DPT: variants seen among roughly 807,000 people sequenced by gnomAD.
DPT encodes tyrosine-rich acidic matrix protein.
DPT carries 21 observed loss-of-function variants against 31.2 expected under a neutral mutation model. That is an observed-to-expected ratio of 0.67 (90% CI 0.48 to 0.97). The LOEUF is 0.97. DPT is among the 50% of genes least tolerant of loss of function. DPT has a pLI of 0.00. For synonymous variants in DPT, 91 were observed against 86.9 expected, an observed-to-expected ratio of 1.05 and a Z score of -0.26; for missense variants, 262 against 258.8, an observed-to-expected ratio of 1.01 and a Z score of -0.08.
chr1:168,715,519 C>T (rs914197516), intron 1 of DPT, among the ~76,000 whole-genome samples: 1 of 152,092 alleles, frequency 6.6e-6, no homozygotes, highest in South Asian at 2.1e-4. Flanking sequence ...TAGAATTTTA[C>T]AAATTCAAGA....
rs980646634 is a variant in DPT, at chr1:168,701,183, AACAG to A, written c.432-63_432-60del. 4.3e-5 allele frequency: 55 copies of A among 1,269,342 alleles called. No homozygotes were observed. The South Asian group carries it at 4.8e-4, about 11-fold the overall frequency. The allele number at this position is 1,269,342 out of a possible 1,614,324, so 78.6% of individuals were successfully genotyped here. A position where few individuals can be genotyped will look rare whatever the true frequency, so the allele number is the denominator to read the frequency against. The stretch of plus-strand genomic sequence containing the variant: ...AAACACATTATTATTGCTGGGAGCA[AACAG>A]AAGACACACTATGAAGAAGAGATGG... On this transcript the variant is annotated intron_variant, in intron 2 of 3. Coordinates refer to ENST00000367817, the MANE Select transcript of DPT (RefSeq NM_001937.5).
intron 1 of DPT, among the ~76,000 whole-genome samples, chr1:168,717,905 A>C (rs1650020716): frequency 6.6e-6 from 1 of 152,230 alleles, no homozygotes; most frequent in South Asian, 2.1e-4. Flanking sequence ...ATATGGTGGA[A>C]AGGTAGCTTT....
intron 1 of DPT, among the ~76,000 whole-genome samples, chr1:168,717,756 A>C (rs1481644225): frequency 6.6e-6 from 1 of 152,176 alleles, no homozygotes; most frequent in Non-Finnish European, 1.5e-5. Context: ...GAAGGGGTCC[A>C]GTTTCAGTTT....
intron 2 of DPT, among the ~76,000 whole-genome samples, chr1:168,702,344 T>A (rs1649618096): frequency 1.3e-5 from 2 of 152,366 alleles, no homozygotes; most frequent in South Asian, 4.1e-4. Context: ...AGGATCTCAG[T>A]GCACAGATGG....
intron 3 of DPT, 120 bp from the exon 4 acceptor site, chr1:168,696,735 A>ACCC: frequency 1.1e-6 from 1 of 880,056 alleles, no homozygotes; most frequent in South Asian, 1.6e-5. Context: ...GGGACACTTA[A>ACCC]TCTCACTTTG....
At chr1:168,716,584 A>C (rs1403166510) in intron 1 of DPT, among the ~76,000 whole-genome samples, 1 of 152,148 alleles carries the variant, frequency 6.6e-6, no homozygotes, top group Non-Finnish European at 1.5e-5. Context: ...CAAGTACAGA[A>C]TGTACAGGTT....
At chr1:168,702,772 C>T (rs9786974) in intron 2 of DPT, among the ~76,000 whole-genome samples, 6,443 of 152,112 alleles carry the variant, frequency 0.042, 173 homozygotes, top group Admixed American at 0.054. Flanking sequence ...CCACCACACC[C>T]AGCTAATTTT....
At position 168,696,385 on chromosome 1, in the gene DPT, A is replaced by G. The variant is rs1411325649; in HGVS notation, c.*164T>C. On this transcript the variant is annotated 3_prime_UTR_variant, in exon 4 of 4. Coordinates refer to ENST00000367817, the MANE Select transcript of DPT (RefSeq NM_001937.5). ...TTGTGGATTTTATTAGAAGTGTGAT[A>G]CTAGTCAGAAAGGCCCAGGAAGTTG... 13 of 606,190 alleles carry G rather than the reference A, an allele frequency of 2.1e-5. No individual in the cohort carries two copies. The highest frequency in any genetic ancestry group is 3.8e-5 in the Non-Finnish European group (13 of 340,982). The allele number at this position is 606,190 out of a possible 1,614,324, so 37.6% of individuals were successfully genotyped here.
chr1:168,712,980 C>T (rs1489187194), intron 2 of DPT, among the ~76,000 whole-genome samples: 3 of 152,040 alleles, frequency 2.0e-5, no homozygotes, highest in Non-Finnish European at 4.4e-5. Flanking sequence ...GTGCTTGAGC[C>T]TGCAGAGTTA....
chr1:168,724,687 C>G (rs1459021535), intron 1 of DPT, among the ~76,000 whole-genome samples: 3 of 152,074 alleles, frequency 2.0e-5, no homozygotes, highest in African/African-American at 4.8e-5. Flanking sequence ...GTACTCAATA[C>G]TCAGAACCAT....
chr1:168,718,221 G>C (rs892542632), intron 1 of DPT, among the ~76,000 whole-genome samples: 2 of 152,220 alleles, frequency 1.3e-5, no homozygotes, highest in Admixed American at 1.3e-4. Flanking sequence ...ATGGGGGTAA[G>C]TTCCCCTAAG....
chr1:168,700,839 A>G (rs1466553483), intron 3 of DPT, among the ~76,000 whole-genome samples, 178 bp downstream of exon 3: 1 of 152,064 alleles, frequency 6.6e-6, no homozygotes, highest in Admixed American at 6.6e-5. Flanking sequence ...CCTCAGGTCA[A>G]AGTTCCTGCA....
intron 1 of DPT, among the ~76,000 whole-genome samples, chr1:168,718,344 G>T (rs1250769134): frequency 6.6e-6 from 1 of 152,254 alleles, no homozygotes; most frequent in Non-Finnish European, 1.5e-5. Flanking sequence ...TGGCCCCAGT[G>T]CCTGTACGGG....
chr1:168,699,174 A>C (rs1230724285), intron 3 of DPT, among the ~76,000 whole-genome samples: 1 of 152,164 alleles, frequency 6.6e-6, no homozygotes, highest in Non-Finnish European at 1.5e-5. Context: ...TGCTTTCTTA[A>C]ACAGGGAACA....
At chr1:168,699,114 TTA>T (rs1317943495) in intron 3 of DPT, among the ~76,000 whole-genome samples, 1 of 152,184 alleles carries the variant, frequency 6.6e-6, no homozygotes, top group African/African-American at 2.4e-5. Context: ...TCAGATATAT[TTA>T]TTTCATACTA....
intron 1 of DPT, among the ~76,000 whole-genome samples, chr1:168,725,184 CT>C (rs1650210084): frequency 2.0e-5 from 3 of 152,190 alleles, no homozygotes; most frequent in Middle Eastern, 3.4e-3. Flanking sequence ...TCACACCTTC[CT>C]TTTTCTTCCT....
chr1:168,726,717 A>G (rs1650251106), intron 1 of DPT, among the ~76,000 whole-genome samples: 1 of 152,204 alleles, frequency 6.6e-6, no homozygotes, highest in Admixed American at 6.5e-5. Flanking sequence ...TGCTCCTGAG[A>G]GGTGAGGACT....
intron 2 of DPT, among the ~76,000 whole-genome samples, chr1:168,701,789 G>A (rs899547777): frequency 2.0e-5 from 3 of 152,154 alleles, no homozygotes; most frequent in African/African-American, 7.2e-5. Flanking sequence ...AATATTAGCT[G>A]AATAAATATA....
intron 2 of DPT, among the ~76,000 whole-genome samples, chr1:168,712,262 G>A (rs892710961): frequency 1.3e-5 from 2 of 152,060 alleles, no homozygotes; most frequent in African/African-American, 4.8e-5. Context: ...CAACATCCAG[G>A]CCTCCAGCTG....
Sources: allele counts gnomAD v4.1 joint callset (sites outside exome capture counted in the v4.1 genomes callset), GRCh38; gene constraint gnomAD v4.1.1; transcripts MANE v1.5; gene names NCBI Gene and HGNC (gene_info 2026-07-23, HGNC 2026-07-21).